Variants in PKP1 observed in about 807,000 individuals in gnomAD.
The protein encoded by PKP1 is plakophilin 1, also known as plakophilin-1.
Under a neutral mutation model 76.4 loss-of-function variants are expected in PKP1, and 27 were observed. The observed-to-expected ratio is 0.35, with a 90% CI of 0.26 to 0.49. PKP1 has a LOEUF of 0.49. Ranked by LOEUF, PKP1 falls within the 20% of genes least tolerant of loss-of-function variation. The pLI, the probability that PKP1 is intolerant of heterozygous loss-of-function variation, is 0.99. For synonymous variants in PKP1, 404 were observed against 384.2 expected (o/e 1.05, Z -0.60); for missense variants, 964 against 955.2 (o/e 1.01, Z -0.12).
intron 3 of PKP1, among the ~76,000 whole-genome samples, chr1:201,314,391 G>C (rs182608438): frequency 3.3e-5 from 5 of 152,204 alleles, no homozygotes; most frequent in African/African-American, 4.8e-5. Flanking sequence ...AAGCCCGGGA[G>C]GGGGAGGTTG....
chr1:201,308,573 C>A (rs1386696519), intron 2 of PKP1, among the ~76,000 whole-genome samples: 1 of 152,116 alleles, frequency 6.6e-6, no homozygotes, highest in Non-Finnish European at 1.5e-5. Context: ...GGAGAAGAGG[C>A]CTTAGATAAA....
At chr1:201,309,297 G>A (rs558373101) in intron 2 of PKP1, among the ~76,000 whole-genome samples, 2 of 151,996 alleles carry the variant, frequency 1.3e-5, no homozygotes, top group East Asian at 3.9e-4. Flanking sequence ...GGGAGAAGGG[G>A]AATTACACAA....
At chr1:201,284,217 G>A (rs1486544786) in intron 1 of PKP1, among the ~76,000 whole-genome samples, 3 of 152,198 alleles carry the variant, frequency 2.0e-5, no homozygotes, top group African/African-American at 4.8e-5. Context: ...CCCCGCGAGC[G>A]GTTCTCCTGT....
intron 4 of PKP1, 43 bp from the exon 5 acceptor site, chr1:201,317,529 T>A (rs751333146): frequency 1.3e-6 from 2 of 1,521,186 alleles, no homozygotes; most frequent in Admixed American, 3.4e-5. Flanking sequence ...TAGATCAGCC[T>A]CATCTCCCTT....
intron 1 of PKP1, among the ~76,000 whole-genome samples, chr1:201,292,614 C>G (rs113027703): frequency 2.0e-5 from 3 of 152,196 alleles, no homozygotes; most frequent in Admixed American, 6.5e-5. Context: ...AGCCCTGCTC[C>G]CCCAGGCAAT....
chr1:201,322,813 C>A (rs1364025417), intron 8 of PKP1, among the ~76,000 whole-genome samples, 200 bp from the exon 9 acceptor site: 1 of 152,226 alleles, frequency 6.6e-6, no homozygotes, highest in African/African-American at 2.4e-5. Flanking sequence ...CCCATTCCTG[C>A]ATCCCATGGA....
rs1046125389 is a variant in PKP1, at chr1:201,320,299, C to A, written c.1265C>A (p.Thr422Asn). The change falls in exon 7 of 14, where the codon ACC (threonine) becomes AAC (asparagine). Residue 422 changes from threonine to asparagine, a missense_variant. Thr to Asn is a moderately conservative substitution (Grantham distance 65, BLOSUM62 0). Transcript: ENST00000367324. ...NLSSADAGRQ[T>N]MRNYSGLIDS... is the part of the protein sequence containing the mutation. The stretch of plus-strand genomic sequence containing the variant: ...AGCTCGGCCGATGCAGGCCGCCAGA[C>A]CATGCGTAACTACTCAGGGCTCATT... 6.2e-7 allele frequency: 1 copy of A among 1,613,974 alleles called. No individual in the cohort carries two copies. Among genetic ancestry groups the A allele is most frequent in the African/African-American group, 1.3e-5 (1 of 75,040 alleles).
intron 2 of PKP1, among the ~76,000 whole-genome samples, chr1:201,294,787 T>A (rs939223938): frequency 6.6e-6 from 1 of 152,356 alleles, no homozygotes; most frequent in East Asian, 1.9e-4. Flanking sequence ...CTCAATCCAC[T>A]ATACTTCATC....
At chr1:201,320,750 G>A (rs1337204865) in intron 7 of PKP1, among the ~76,000 whole-genome samples, 4 of 152,162 alleles carry the variant, frequency 2.6e-5, no homozygotes, top group South Asian at 4.1e-4. Context: ...AGCTCCCAGC[G>A]AGCATCTGCT....
chr1:201,330,298 T>C lies in PKP1; in HGVS notation c.*257T>C, dbSNP rs1657278401. On this transcript the variant is annotated 3_prime_UTR_variant, in exon 14 of 14. Coordinates refer to ENST00000367324, the MANE Select transcript of PKP1 (RefSeq NM_001005337.3). The stretch of plus-strand genomic sequence containing the variant: ...TTCTTGAGTTAAAGGGGCTTATATG[T>C]GATGTCAATATTTCTTCCTCTGAGA... The C allele has an allele frequency of 6.6e-6, 1 of 151,830 alleles. No individual in the cohort carries two copies. The highest frequency in any genetic ancestry group is 2.4e-5 in the African/African-American group (1 of 41,312). 9.4% of individuals were successfully genotyped at this position (151,830 alleles called of 1,614,324 possible). A position where few individuals can be genotyped will look rare whatever the true frequency, so the allele number is the denominator to read the frequency against.
chr1:201,328,796 C>A lies in PKP1; in HGVS notation c.2141C>A (p.Ala714Asp). The part of the protein sequence containing the change: ...GFDRNMLGTL[A>D]GANSLRNFTS... ...GATAGGAACATGCTGGGAACCTTAGCTGGGGCCAACAGCCTCAGGAACTTC... is the reference window on the plus strand; with the variant it reads ...GATAGGAACATGCTGGGAACCTTAGATGGGGCCAACAGCCTCAGGAACTTC... Residue 714 changes from alanine to aspartate, a missense_variant, in exon 13 of 14, where the codon GCT (alanine) becomes GAT (aspartate). Transcript: ENST00000367324. The A allele has an allele frequency of 6.2e-7, 1 of 1,614,208 alleles. No individual in the cohort carries two copies. Among genetic ancestry groups the A allele is most frequent in the Non-Finnish European group, 8.5e-7 (1 of 1,180,018 alleles).
chr1:201,283,931 G>A (rs770350352), intron 1 of PKP1, 27 bp downstream of exon 1: 3 of 1,601,678 alleles, frequency 1.9e-6, no homozygotes, highest in Non-Finnish European at 2.6e-6. Flanking sequence ...CGCGTGGTCC[G>A]TGCGCCCCTT....
In PKP1 at chr1:201,318,749, G is replaced by C; in HGVS notation, c.1186G>C (p.Glu396Gln). The change falls in exon 6 of 14, where the codon GAA (glutamate) becomes CAA (glutamine). Residue 396 changes from glutamate (E) to glutamine (Q), a missense_variant. Coordinates refer to ENST00000367324, the MANE Select transcript of PKP1 (RefSeq NM_001005337.3). ...WCDGNSNMSREVVDPEVFFNA... is the reference protein window; with the variant it reads ...WCDGNSNMSRQVVDPEVFFNA... Reference sequence around the variant, plus strand: ...CGATGGCAATAGCAACATGTCCCGGGAAGTGGTGGACCCTGAGGTCTTCTT... The same window carrying C: ...CGATGGCAATAGCAACATGTCCCGGCAAGTGGTGGACCCTGAGGTCTTCTT... The C allele has an allele frequency of 6.2e-7, 1 of 1,611,212 alleles. No homozygotes were observed.
At chr1:201,286,205 T>C (rs1226611318) in intron 1 of PKP1, among the ~76,000 whole-genome samples, 3 of 152,162 alleles carry the variant, frequency 2.0e-5, no homozygotes, top group Admixed American at 1.3e-4. Context: ...CTGGTAGCTG[T>C]GGAAGGACCA....
rs562921186 is a variant in PKP1, at chr1:201,325,893, G to A, written c.2106+55G>A. 56 of 1,370,812 alleles carry A rather than the reference G, an allele frequency of 4.1e-5. 1 individual carries two copies. The Admixed American group carries it at 7.2e-4, about 18-fold the overall frequency. The allele number at this position is 1,370,812 out of a possible 1,614,324, so 84.9% of individuals were successfully genotyped here. ...AGGTTCTTCCTGCTCATGAGCAGAG[G>A]GCCTGGCATATGCTGGGCTCTGGGC... is the stretch of plus-strand genomic sequence containing the variant. On this transcript the variant is annotated intron_variant, in intron 12 of 13. Coordinates refer to ENST00000367324, the MANE Select transcript of PKP1 (RefSeq NM_001005337.3).
intron 1 of PKP1, among the ~76,000 whole-genome samples, chr1:201,287,956 A>G (rs1368043354): frequency 6.6e-6 from 1 of 152,358 alleles, no homozygotes; most frequent in East Asian, 1.9e-4. Flanking sequence ...GTATACACAC[A>G]TAGGTCACAC....
At chr1:201,299,361 A>G (rs1656159160) in intron 2 of PKP1, among the ~76,000 whole-genome samples, 1 of 152,206 alleles carries the variant, frequency 6.6e-6, no homozygotes, top group Non-Finnish European at 1.5e-5. Context: ...TATGGATGTG[A>G]CATACCAGAT....
intron 1 of PKP1, among the ~76,000 whole-genome samples, chr1:201,293,715 GT>G (rs1417398393): frequency 2.0e-5 from 3 of 152,170 alleles, no homozygotes; most frequent in Non-Finnish European, 2.9e-5. Flanking sequence ...ACAGATGAGA[GT>G]TTTAGAGCTG....
chr1:201,316,178 T>C, intron 3 of PKP1: 1 of 41,516 alleles, frequency 2.4e-5, no homozygotes, highest in Non-Finnish European at 5.6e-5. Context: ...ATGGATAGGA[T>C]CATGGCCATT....
Sources: allele counts gnomAD v4.1 joint callset (sites outside exome capture counted in the v4.1 genomes callset), GRCh38; gene constraint gnomAD v4.1.1; transcripts MANE v1.5; gene names NCBI Gene and HGNC (gene_info 2026-07-23, HGNC 2026-07-21).